The following ZNF487 variants were observed in gnomAD, a reference collection of about 807,000 sequenced individuals.
ZNF487 encodes zinc finger protein 487, also known as KRAB domain only 1.
In ZNF487, 4 loss-of-function variants were observed where a neutral mutation model predicts 3.0. The ratio of observed to expected loss-of-function variants is 1.35; its 90% CI spans 0.66 to 3.08. ZNF487 has a LOEUF of 3.08. ZNF487 is among the 30% of genes most tolerant of loss of function. The probability of loss-of-function intolerance (pLI) is 0.01; values close to 1 mark genes in which losing one functional copy is unlikely to be tolerated. For synonymous variants in ZNF487, 55 were observed against 34.6 expected (o/e 1.59, Z -2.06); for missense variants, 146 against 98.7 (o/e 1.48, Z -2.03).
chr10:43,457,325 A>AG (rs1840244714), intron 1 of ZNF487, among the ~76,000 whole-genome samples: 1 of 152,046 alleles, frequency 6.6e-6, no homozygotes, highest in Admixed American at 6.6e-5. Context: ...TGGGAGGCCG[A>AG]GGGGGGAGGA....
chr10:43,437,156 GTAA>G lies in ZNF487; in HGVS notation c.-199_-197del. The G allele has an allele frequency of 3.5e-6, 1 of 281,810 alleles. No individual in the cohort carries two copies. Among genetic ancestry groups the G allele is most frequent in the Non-Finnish European group, 7.0e-6 (1 of 142,790 alleles). 17.5% of individuals were successfully genotyped at this position (281,810 alleles called of 1,614,324 possible). ...CCATGGTGAGATGGTCAACAAGCCT[GTAA>G]GTTCCTCAGCTACGACTACCAGGTA... On this transcript the variant is annotated 5_prime_UTR_variant, in exon 1 of 4. An upstream open reading frame in the 5' UTR loses its in-frame stop. Coordinates refer to ENST00000437590, the MANE Select transcript of ZNF487 (RefSeq NM_001355444.3).
chr10:43,445,934 G>A (rs891476179), intron 1 of ZNF487, among the ~76,000 whole-genome samples: 8 of 152,124 alleles, frequency 5.3e-5, no homozygotes, highest in South Asian at 4.1e-4. Context: ...ATCTTGCACC[G>A]CCCTTAATCC....
the ZNF487 span, among the ~76,000 whole-genome samples, chr10:43,520,939 C>A: frequency 6.6e-6 from 1 of 152,126 alleles, no homozygotes; most frequent in Non-Finnish European, 1.5e-5. Flanking sequence ...CTGTGAGTGT[C>A]GACTTTATCT....
chr10:43,457,038 A>G (rs889554138), intron 1 of ZNF487, among the ~76,000 whole-genome samples: 6 of 152,212 alleles, frequency 3.9e-5, no homozygotes, highest in Non-Finnish European at 8.8e-5. Flanking sequence ...GTAGTTCAGG[A>G]AACAGTTTCC....
At chr10:43,516,667 G>A in the ZNF487 span, among the ~76,000 whole-genome samples, 212 of 152,242 alleles carry the variant, frequency 1.4e-3, 1 homozygote, top group African/African-American at 4.8e-3. Context: ...TGGGAGGCTA[G>A]GCCAGTCTTT....
intron 1 of ZNF487, among the ~76,000 whole-genome samples, chr10:43,450,791 A>C (rs1332875727): frequency 6.6e-6 from 1 of 152,210 alleles, no homozygotes; most frequent in Non-Finnish European, 1.5e-5. Flanking sequence ...AGTATAAAAT[A>C]ACAGTAGATA....
the ZNF487 span, among the ~76,000 whole-genome samples, chr10:43,500,497 A>G: frequency 3.3e-5 from 5 of 151,700 alleles, no homozygotes; most frequent in Non-Finnish European, 5.9e-5. Flanking sequence ...TGCAATAACA[A>G]GGCCTTTATT....
chr10:43,494,222 A>G, the ZNF487 span, among the ~76,000 whole-genome samples: 11 of 152,178 alleles, frequency 7.2e-5, no homozygotes, highest in African/African-American at 2.7e-4. Context: ...TAGACAATAC[A>G]CAAACACACA....
At chr10:43,501,809 A>G in the ZNF487 span, among the ~76,000 whole-genome samples, 1 of 151,488 alleles carries the variant, frequency 6.6e-6, no homozygotes, top group Non-Finnish European at 1.5e-5. Flanking sequence ...CTTTCCAGAC[A>G]GGGTCTTGCT....
At chr10:43,499,103 C>T in the ZNF487 span, among the ~76,000 whole-genome samples, 1 of 152,106 alleles carries the variant, frequency 6.6e-6, no homozygotes, top group Non-Finnish European at 1.5e-5. Flanking sequence ...TCCGAAGACA[C>T]GTTAAGAAAT....
At chr10:43,491,705 T>A in the ZNF487 span, among the ~76,000 whole-genome samples, 1 of 151,746 alleles carries the variant, frequency 6.6e-6, no homozygotes, top group South Asian at 2.1e-4. Context: ...GGAGATAATT[T>A]CCCCATCTTT....
chr10:43,453,240 A>G (rs1645758234), intron 1 of ZNF487: 1 of 152,212 alleles, frequency 6.6e-6, no homozygotes, highest in African/African-American at 2.4e-5. Flanking sequence ...TCCTTGAGAA[A>G]GACACTTCTT....
chr10:43,479,085 GTA>G (rs554754949), intron 3 of ZNF487, among the ~76,000 whole-genome samples: 7 of 133,176 alleles, frequency 5.3e-5, no homozygotes, highest in Non-Finnish European at 9.5e-5. Context: ...ATGTATGTGT[GTA>G]TATATATATA....
intron 1 of ZNF487, among the ~76,000 whole-genome samples, chr10:43,466,087 C>G (rs1840690188): frequency 6.6e-6 from 1 of 151,928 alleles, no homozygotes; most frequent in South Asian, 2.1e-4. Flanking sequence ...ACTCGGCAGG[C>G]TGAAGCAGGA....
chr10:43,446,207 G>A lies in ZNF487; in HGVS notation c.-94+8945G>A, dbSNP rs563475009. Reference sequence around the variant, plus strand: ...GAGCTGTTGGGTACACCTCCCAGACGGGGTGGTGGCCGGGCAGAGGGGCTC... The same window carrying A: ...GAGCTGTTGGGTACACCTCCCAGACAGGGTGGTGGCCGGGCAGAGGGGCTC... On this transcript the variant is annotated intron_variant, in intron 1 of 3. Transcript: ENST00000437590. Among the ~76,000 whole-genome samples, 16 of 152,290 alleles carry A rather than the reference G, an allele frequency of 1.1e-4. No individual in the cohort carries two copies. The South Asian group carries it at 3.3e-3, about 32-fold the overall frequency.
At chr10:43,510,114 G>A in the ZNF487 span, among the ~76,000 whole-genome samples, 2 of 152,160 alleles carry the variant, frequency 1.3e-5, no homozygotes, top group African/African-American at 4.8e-5. Flanking sequence ...GAAATAAAAT[G>A]AAGATTTTTT....
chr10:43,479,958 CT>C (rs1564428597), intron 3 of ZNF487, among the ~76,000 whole-genome samples: 1 of 36,292 alleles, frequency 2.8e-5, no homozygotes, highest in African/African-American at 6.9e-5. Flanking sequence ...ACCTGACTCT[CT>C]TTCTTTCTTT....
the ZNF487 span, among the ~76,000 whole-genome samples, chr10:43,514,088 A>C: frequency 1.1e-4 from 17 of 152,244 alleles, no homozygotes; most frequent in Non-Finnish European, 2.2e-4. Flanking sequence ...AAACTGGCTC[A>C]AGTCTGGAAA....
At chr10:43,457,569 A>G (rs1840260225) in intron 1 of ZNF487, among the ~76,000 whole-genome samples, 1 of 151,246 alleles carries the variant, frequency 6.6e-6, no homozygotes, top group South Asian at 2.1e-4. Context: ...AAAAAAAAAA[A>G]AAAAAAAGAA....
Sources: gnomAD v4.1 joint callset for allele counts (sites outside exome capture counted in the v4.1 genomes callset) on GRCh38, gnomAD v4.1.1 for gene constraint, MANE v1.5 for transcripts, NCBI Gene and HGNC (gene_info 2026-07-23, HGNC 2026-07-21) for gene names.